PCBP3: variants seen among roughly 807,000 people sequenced by gnomAD.
The protein encoded by PCBP3 is poly(rC) binding protein 3, also known as poly(rC)-binding protein 3.
PCBP3 carries 25 observed loss-of-function variants against 52.7 expected under a neutral mutation model. The observed-to-expected ratio is 0.47, with a 90% CI of 0.35 to 0.66. PCBP3 has a LOEUF of 0.66. Ranked by LOEUF, PCBP3 falls within the 30% of genes least tolerant of loss-of-function variation. The pLI is 0.01. For synonymous variants in PCBP3, 162 were observed against 183.0 expected (o/e 0.89, Z 0.93); for missense variants, 391 against 490.3 (o/e 0.80, Z 1.91).
rs2083292493 is a variant in PCBP3, at chr21:45,704,038, AG to A, written c.-199-31352del. ...ATGAAATTACCAAGTAGGGAGTACA[AG>A]GAGAGACGAGGATCCAGGATGGAGG... On this transcript the variant is annotated intron_variant, in intron 2 of 17. Coordinates refer to ENST00000681687, the MANE Select transcript of PCBP3 (RefSeq NM_001384156.1). The surrounding 1 kb of genome is among the most constrained non-coding windows in gnomAD (Gnocchi z 4.1). Among the ~76,000 whole-genome samples, 1 of 152,156 alleles carries A rather than the reference AG, an allele frequency of 6.6e-6. No homozygotes were observed. The highest frequency in any genetic ancestry group is 2.4e-5 in the African/African-American group (1 of 41,434).
chr21:45,864,523 G>A (rs147231945), intron 5 of PCBP3, among the ~76,000 whole-genome samples: 1 of 152,190 alleles, frequency 6.6e-6, no homozygotes, highest in African/African-American at 2.4e-5. Flanking sequence ...TATTGTAAAT[G>A]AACTAAAGTG....
At chr21:45,768,319 G>A (rs914995075) in intron 4 of PCBP3, among the ~76,000 whole-genome samples, 5 of 152,218 alleles carry the variant, frequency 3.3e-5, no homozygotes, top group Non-Finnish European at 5.9e-5. Context: ...CCAGCACTGC[G>A]AGACTCTCAC....
rs2093385735 is a variant in PCBP3 at position 45,829,263 on chromosome 21, A to T, written c.-125-20698A>T. 6.6e-6 allele frequency: 1 copy of T among 152,234 alleles called. No individual in the cohort carries two copies. Among genetic ancestry groups the T allele is most frequent in the Non-Finnish European group, 1.5e-5 (1 of 68,124 alleles). The allele number at this position is 152,234 out of a possible 1,614,324, so 9.4% of individuals were successfully genotyped here. On this transcript the variant is annotated intron_variant, in intron 4 of 17. Transcript: ENST00000681687. The surrounding 1 kb of genome is among the most constrained non-coding windows in gnomAD (Gnocchi z 5.2). Reference sequence around the variant, plus strand: ...CTCTGAGATTCAAAGCTCTTTGGAGAGAGGACACTTTGCTGGGGAGAAGGT... The same window carrying T: ...CTCTGAGATTCAAAGCTCTTTGGAGTGAGGACACTTTGCTGGGGAGAAGGT...
chr21:45,831,907 C>T (rs1417175078), intron 4 of PCBP3, among the ~76,000 whole-genome samples: 1 of 152,100 alleles, frequency 6.6e-6, no homozygotes, highest in Non-Finnish European at 1.5e-5. Flanking sequence ...GACAGGATTT[C>T]ATAATGTTGG....
chr21:45,776,832 G>A (rs1250653208), intron 4 of PCBP3, among the ~76,000 whole-genome samples: 1 of 152,126 alleles, frequency 6.6e-6, no homozygotes, highest in Non-Finnish European at 1.5e-5. Flanking sequence ...TTCTGTTTCT[G>A]GAGCATTTAA....
At chr21:45,849,811 G>A in intron 4 of PCBP3, 150 bp from the exon 5 acceptor site, 1 of 441,846 alleles carries the variant, frequency 2.3e-6, no homozygotes. Context: ...CTGGCACTCT[G>A]TCTCCACACT....
At chr21:45,918,245 C>CG (rs1229684360) in intron 13 of PCBP3, 1 of 155,686 alleles carries the variant, frequency 6.4e-6, no homozygotes, top group Non-Finnish European at 1.4e-5. Flanking sequence ...GCTCCATGAC[C>CG]GGGGGCTCCG....
intron 5 of PCBP3, among the ~76,000 whole-genome samples, chr21:45,850,986 A>G (rs1468739142): frequency 3.9e-5 from 6 of 152,266 alleles, no homozygotes; most frequent in Non-Finnish European, 7.3e-5. Flanking sequence ...ATGAGGCAGT[A>G]TATGTCCAAA....
At chr21:45,794,197 GA>G (rs2091793289) in intron 4 of PCBP3, among the ~76,000 whole-genome samples, 1 of 152,172 alleles carries the variant, frequency 6.6e-6, no homozygotes, top group Non-Finnish European at 1.5e-5. Context: ...GGCTTAAATG[GA>G]TTAATGATTT....
At chr21:45,780,977 TG>T (rs1404132047) in intron 4 of PCBP3, among the ~76,000 whole-genome samples, 1 of 151,908 alleles carries the variant, frequency 6.6e-6, no homozygotes, top group Non-Finnish European at 1.5e-5. Context: ...ATTTGGGCTG[TG>T]GGGGTAAGTG....
chr21:45,676,049 ATTGT>A (rs1324746945), intron 2 of PCBP3, among the ~76,000 whole-genome samples: 1 of 152,170 alleles, frequency 6.6e-6, no homozygotes, highest in East Asian at 1.9e-4. Context: ...AACTACAATG[ATTGT>A]TTGAGGAAAA....
At chr21:45,669,652 C>A in intron 2 of PCBP3, among the ~76,000 whole-genome samples, 1 of 151,776 alleles carries the variant, frequency 6.6e-6, no homozygotes, top group Middle Eastern at 3.4e-3. Flanking sequence ...ACTATAGATA[C>A]TTCATATAAG....
intron 15 of PCBP3, among the ~76,000 whole-genome samples, chr21:45,931,601 G>A (rs572864151): frequency 6.5e-4 from 95 of 145,588 alleles, no homozygotes; most frequent in African/African-American, 2.3e-3. Flanking sequence ...CTGGAATGTC[G>A]TCATCTTCAT....
At chr21:45,727,017 T>A (rs1367318414) in intron 2 of PCBP3, among the ~76,000 whole-genome samples, 1 of 152,224 alleles carries the variant, frequency 6.6e-6, no homozygotes, top group Non-Finnish European at 1.5e-5. Context: ...ATGAAAAGTT[T>A]TAAAATTTGG....
chr21:45,718,315 A>G (rs550548769), intron 2 of PCBP3, among the ~76,000 whole-genome samples: 7 of 147,102 alleles, frequency 4.8e-5, no homozygotes, highest in Non-Finnish European at 1.1e-4. Context: ...TTTAATTTCT[A>G]TTTCTATTTA....
At chr21:45,763,198 T>C (rs2088892824) in intron 4 of PCBP3, 1 of 152,284 alleles carries the variant, frequency 6.6e-6, no homozygotes, top group Admixed American at 6.5e-5. Context: ...TGCCCCTACA[T>C]GGGGCATGCT....
Position 45,940,014 on chromosome 21 carries a change from C to A in PCBP3, c.910-16C>A. 1.2e-6 allele frequency: 2 copies of A among 1,610,098 alleles called. No individual in the cohort carries two copies. The highest frequency in any genetic ancestry group is 8.5e-7 in the Non-Finnish European group (1 of 1,177,074). ...TTGGGCTGTTCTCTAAGAAATCCCC[C>A]CGTCCTTGTTTCTAGCTAATAGGCT... On this transcript the variant is annotated splice_polypyrimidine_tract_variant and intron_variant, in intron 16 of 17. Transcript: ENST00000681687.
At chr21:45,686,623 C>A (rs907567620) in intron 2 of PCBP3, among the ~76,000 whole-genome samples, 9 of 152,098 alleles carry the variant, frequency 5.9e-5, no homozygotes, top group African/African-American at 2.2e-4. Flanking sequence ...ATGAACTGTC[C>A]AAACAAGGAT....
chr21:45,702,560 G>A (rs1318898250), intron 2 of PCBP3, among the ~76,000 whole-genome samples: 2 of 152,168 alleles, frequency 1.3e-5, no homozygotes. Flanking sequence ...TAAAAACAAT[G>A]TATGTGCCTT....
Sources: allele counts gnomAD v4.1 joint callset (sites outside exome capture counted in the v4.1 genomes callset), GRCh38; gene constraint gnomAD v4.1.1; non-coding constraint Gnocchi (gnomAD v3.1); transcripts MANE v1.5; gene names NCBI Gene and HGNC (gene_info 2026-07-23, HGNC 2026-07-21).